The following SNW1 variants were observed in gnomAD, a reference collection of about 807,000 sequenced individuals.
SNW1 encodes SNW domain containing 1.
Under a neutral mutation model 75.6 loss-of-function variants are expected in SNW1, and 9 were observed. The ratio of observed to expected loss-of-function variants is 0.12; its 90% CI spans 0.07 to 0.21. SNW1 has a LOEUF of 0.21. SNW1 is among the 10% of genes least tolerant of loss of function. SNW1 has a pLI of 1.00. For synonymous variants in SNW1, 200 were observed against 219.1 expected, an observed-to-expected ratio of 0.91 and a Z score of 0.77; for missense variants, 409 against 670.9, an observed-to-expected ratio of 0.61 and a Z score of 4.31.
intron 12 of SNW1, 82 bp downstream of exon 12, chr14:77,720,629 A>T (rs2080531878): frequency 1.1e-6 from 1 of 920,714 alleles, no homozygotes; most frequent in Admixed American, 1.7e-5. Flanking sequence ...TTTACATCCA[A>T]ATGTAAAGTA....
intron 9 of SNW1, among the ~76,000 whole-genome samples, chr14:77,732,115 T>A (rs1171988321): frequency 6.6e-6 from 1 of 152,236 alleles, no homozygotes; most frequent in Non-Finnish European, 1.5e-5. Context: ...ACTATTCAAT[T>A]CATTAGAATG....
At chr14:77,760,412 T>C (rs1594813681) in intron 1 of SNW1, among the ~76,000 whole-genome samples, 1 of 152,206 alleles carries the variant, frequency 6.6e-6, no homozygotes, top group Non-Finnish European at 1.5e-5. Context: ...GGCTGGGAAC[T>C]AGTAGGAGTA....
chr14:77,747,883 T>C (rs2080776505), intron 3 of SNW1, among the ~76,000 whole-genome samples: 1 of 152,064 alleles, frequency 6.6e-6, no homozygotes, highest in South Asian at 2.1e-4. Flanking sequence ...GGAGCCCCTC[T>C]GCCCAGAGGC....
chr14:77,734,757 C>CA (rs1015654021), intron 8 of SNW1, among the ~76,000 whole-genome samples, 190 bp downstream of exon 8: 13 of 151,376 alleles, frequency 8.6e-5, no homozygotes, highest in African/African-American at 2.7e-4. Context: ...AAGGAACTGA[C>CA]ACGGTATTCA....
At chr14:77,752,801 G>A (rs4346144) in intron 2 of SNW1, among the ~76,000 whole-genome samples, 8,244 of 152,254 alleles carry the variant, frequency 0.054, 300 homozygotes, top group Middle Eastern at 0.088. Context: ...GTAATACTCC[G>A]TTAGATCTAA....
chr14:77,736,106 T>A, intron 6 of SNW1, 100 bp from the exon 7 acceptor site: 1 of 813,938 alleles, frequency 1.2e-6, no homozygotes, highest in Admixed American at 2.5e-5. Context: ...GTTTCAAACA[T>A]AGACAAAAAC....
intron 3 of SNW1, among the ~76,000 whole-genome samples, chr14:77,750,716 G>A (rs2080801098): frequency 1.3e-5 from 2 of 151,984 alleles, no homozygotes; most frequent in South Asian, 2.1e-4. Flanking sequence ...GGCCCTGAGT[G>A]TAGCTGTTCT....
At chr14:77,737,117 G>A (rs2139910796) in intron 5 of SNW1, 42 bp from the exon 6 acceptor site, 1 of 1,360,386 alleles carries the variant, frequency 7.4e-7, no homozygotes, top group Middle Eastern at 1.8e-4. Flanking sequence ...ATTAGTTCAA[G>A]CTTTCAGTAG....
intron 3 of SNW1, among the ~76,000 whole-genome samples, chr14:77,740,374 TA>T (rs1383774489): frequency 7.2e-5 from 11 of 152,094 alleles, no homozygotes; most frequent in Non-Finnish European, 1.6e-4. Context: ...CATCATTCAT[TA>T]AAAAAGTTTA....
At chr14:77,720,554 G>A (rs4903631) in intron 12 of SNW1, 157 bp downstream of exon 12, 1 of 769,576 alleles carries the variant, frequency 1.3e-6, no homozygotes, top group Non-Finnish European at 2.4e-6. Flanking sequence ...GTTAAAATCA[G>A]AACTGTTTCA....
chr14:77,760,803 G>A (rs1335058279), intron 1 of SNW1: 9 of 712,244 alleles, frequency 1.3e-5, no homozygotes, highest in Non-Finnish European at 2.0e-5. Flanking sequence ...CGCCCGAGCC[G>A]CGGACCTGAG....
intron 2 of SNW1, among the ~76,000 whole-genome samples, chr14:77,751,868 A>G (rs2080812490): frequency 6.6e-6 from 1 of 150,392 alleles, no homozygotes; most frequent in Admixed American, 6.7e-5. Context: ...CACACAAAGC[A>G]TTTTCTAGAT....
At chr14:77,748,728 C>T (rs2080784155) in intron 3 of SNW1, among the ~76,000 whole-genome samples, 2 of 151,936 alleles carry the variant, frequency 1.3e-5, no homozygotes, top group East Asian at 1.9e-4. Flanking sequence ...GCTGGGACTA[C>T]AGGTACCCGC....
intron 12 of SNW1, 148 bp from the exon 13 acceptor site, chr14:77,718,678 CTGGTAGCACA>C: frequency 1.8e-6 from 1 of 542,744 alleles, no homozygotes; most frequent in Non-Finnish European, 3.2e-6. Flanking sequence ...CATTAAAAAA[CTGGTAGCACA>C]TGAACTTCAT....
chr14:77,734,463 G>C (rs1285583478), intron 8 of SNW1, among the ~76,000 whole-genome samples: 1 of 152,200 alleles, frequency 6.6e-6, no homozygotes, highest in East Asian at 1.9e-4. Context: ...TATGGGGCCG[G>C]GTGCGGTGGC....
chr14:77,754,642 T>C (rs2080830879), intron 2 of SNW1, among the ~76,000 whole-genome samples: 2 of 152,252 alleles, frequency 1.3e-5, no homozygotes, highest in Admixed American at 1.3e-4. Flanking sequence ...AAAACCACTT[T>C]CATCTCTCTT....
intron 10 of SNW1, among the ~76,000 whole-genome samples, chr14:77,724,459 CTCTT>C (rs143467570): frequency 5.9e-5 from 9 of 152,204 alleles, no homozygotes; most frequent in Non-Finnish European, 8.8e-5. Context: ...TTAGAACTTA[CTCTT>C]TCTAACTGTA....
intron 9 of SNW1, among the ~76,000 whole-genome samples, 157 bp downstream of exon 9, chr14:77,732,326 CAG>C (rs2080633941): frequency 6.6e-6 from 1 of 152,200 alleles, no homozygotes; most frequent in Non-Finnish European, 1.5e-5. Flanking sequence ...TGGGAGCATG[CAG>C]AGAGCTGCCA....
intron 3 of SNW1, among the ~76,000 whole-genome samples, chr14:77,748,413 T>C (rs903305187): frequency 6.6e-6 from 1 of 151,388 alleles, no homozygotes; most frequent in Non-Finnish European, 1.5e-5. Context: ...CAATAAATAC[T>C]AAAATAAATA....
Sources: allele counts gnomAD v4.1 joint callset (sites outside exome capture counted in the v4.1 genomes callset), GRCh38; gene constraint gnomAD v4.1.1; transcripts MANE v1.5; gene names NCBI Gene and HGNC (gene_info 2026-07-23, HGNC 2026-07-21).